SLC19A3: variants seen among roughly 807,000 people sequenced by gnomAD.
SLC19A3 encodes solute carrier family 19 member 3.
Under a neutral mutation model 40.2 loss-of-function variants are expected in SLC19A3, and 31 were observed. The observed-to-expected ratio is 0.77, with a 90% CI of 0.58 to 1.04. The LOEUF is 1.04. Among genes scored for constraint, SLC19A3 ranks in the 50% least tolerant of loss-of-function variants. The pLI is 0.00. For missense variants in SLC19A3, 592 were observed against 596.7 expected (o/e 0.99, Z 0.08); for synonymous variants, 212 against 227.5 (o/e 0.93, Z 0.61).
At chr2:227,704,244 G>A (rs150757639) in intron 1 of SLC19A3, among the ~76,000 whole-genome samples, 108 of 152,256 alleles carry the variant, frequency 7.1e-4, no homozygotes, top group African/African-American at 2.4e-3. Context: ...CATGAGTCAC[G>A]CCTCACCACT....
chr2:227,707,234 G>GTCA (rs1209418729), intron 1 of SLC19A3, among the ~76,000 whole-genome samples: 2 of 152,218 alleles, frequency 1.3e-5, no homozygotes, highest in African/African-American at 4.8e-5. Context: ...ATTGCAAGTG[G>GTCA]TCACTTCAGT....
At chr2:227,697,094 A>G (rs935421732) in intron 3 of SLC19A3, among the ~76,000 whole-genome samples, 8 of 152,158 alleles carry the variant, frequency 5.3e-5, no homozygotes, top group Admixed American at 4.6e-4. Flanking sequence ...AGGTATTTAG[A>G]TTTCAAATTA....
intron 1 of SLC19A3, among the ~76,000 whole-genome samples, chr2:227,710,470 T>G (rs376454728): frequency 3.3e-5 from 5 of 152,052 alleles, no homozygotes; most frequent in Admixed American, 3.3e-4. Context: ...CCGAGACGGG[T>G]GGATCACCTG....
rs1694945828 is a variant in SLC19A3, at chr2:227,684,374, A to T, written c.*3023T>A. ...CGCTCAGGCTGGAGTGCAGTGGCAC[A>T]ATCTCAACTCACTGCAACCTCTGCC... On this transcript the variant is annotated 3_prime_UTR_variant, in exon 6 of 6. Transcript: ENST00000644224. 6.6e-6 allele frequency: 1 copy of T among 151,950 alleles called. No homozygotes were observed. Among genetic ancestry groups the T allele is most frequent in the Non-Finnish European group, 1.5e-5 (1 of 67,998 alleles). 9.4% of individuals were successfully genotyped at this position (151,950 alleles called of 1,614,324 possible). A position where few individuals can be genotyped will look rare whatever the true frequency, so the allele number is the denominator to read the frequency against.
In SLC19A3 at chr2:227,695,611, CAAAAT is replaced by C. The variant is rs140315029; in HGVS notation, c.1172+273_1172+277del. ...CAAGAGAGCCAGGCCATCTCTCAAA[CAAAAT>C]AAAACAAAAAGAAAAACCTGACAAT... On this transcript the variant is annotated intron_variant, in intron 4 of 5. Coordinates refer to ENST00000644224, the MANE Select transcript of SLC19A3 (RefSeq NM_025243.4). 7,717 of 399,586 alleles carry C rather than the reference CAAAAT, an allele frequency of 0.019. 516 individuals are homozygous for C. The highest frequency in any genetic ancestry group is 0.14 in the African/African-American group (7,061 of 48,896). 24.8% of individuals were successfully genotyped at this position (399,586 alleles called of 1,614,324 possible). A position where few individuals can be genotyped will look rare whatever the true frequency, so the allele number is the denominator to read the frequency against.
intron 3 of SLC19A3, 33 bp from the exon 4 acceptor site, chr2:227,696,114 A>C: frequency 6.3e-7 from 1 of 1,599,440 alleles, no homozygotes; most frequent in Non-Finnish European, 8.6e-7. Flanking sequence ...ATCAAACATA[A>C]TGACTTTGCA....
At chr2:227,714,859 G>A (rs1696279137) in intron 1 of SLC19A3, among the ~76,000 whole-genome samples, 1 of 128,756 alleles carries the variant, frequency 7.8e-6, no homozygotes, top group Non-Finnish European at 1.6e-5. Flanking sequence ...CACCCAGGCT[G>A]GAGTCTGGAG....
chr2:227,714,546 T>C (rs1363925529), intron 1 of SLC19A3: 4 of 985,272 alleles, frequency 4.1e-6, no homozygotes, highest in East Asian at 1.1e-4. Flanking sequence ...CCCGCCACTA[T>C]GAAAATCCCT....
chr2:227,695,725 A>G (rs1695401853), intron 4 of SLC19A3, 164 bp downstream of exon 4: 2 of 688,276 alleles, frequency 2.9e-6, no homozygotes, highest in Non-Finnish European at 5.0e-6. Context: ...CAGAGAGCAA[A>G]TAGTTAAATG....
rs761691445 is a variant in SLC19A3 at position 227,696,058 on chromosome 2, C to T, written c.1003G>A (p.Gly335Ser). The change falls in exon 4 of 6, where the codon GGT becomes AGT. Residue 335 changes from glycine (G) to serine (S), a missense_variant. Gly to Ser is a moderately conservative substitution (Grantham distance 56). Transcript: ENST00000644224. ...FGGAVAAFAV[G>S]YVKVNWDLLG... ...AGGTCCCAGTTGACTTTCACATAAC[C>T]CACTGCAAAGGCAGCCACAGCCCCT... The T allele has an allele frequency of 6.2e-7, 1 of 1,606,254 alleles. No individual in the cohort carries two copies. Among genetic ancestry groups the T allele is most frequent in the Non-Finnish European group, 8.5e-7 (1 of 1,178,262 alleles).
chr2:227,689,644 G>T (rs187154038), intron 4 of SLC19A3, among the ~76,000 whole-genome samples: 4 of 152,228 alleles, frequency 2.6e-5, no homozygotes, highest in African/African-American at 9.6e-5. Flanking sequence ...ACGTTCATGC[G>T]CAATAAGAAA....
At chr2:227,688,816 C>T (rs572066549) in intron 4 of SLC19A3, among the ~76,000 whole-genome samples, 4 of 152,162 alleles carry the variant, frequency 2.6e-5, no homozygotes, top group South Asian at 2.1e-4. Context: ...GAAACATATA[C>T]GACCTTTTAG....
At position 227,703,740 on chromosome 2, in the gene SLC19A3, T is replaced by TGGG. The variant is rs1695807987; in HGVS notation, c.-2-1421_-2-1420insCCC. The stretch of plus-strand genomic sequence containing the variant: ...GGTGATCACTGAGGCTTGGTCATCT[T>TGGG]CTGAAGAGTGGTCTTGCTGGGGTAG... On this transcript the variant is annotated intron_variant, in intron 1 of 5. Coordinates refer to ENST00000644224, the MANE Select transcript of SLC19A3 (RefSeq NM_025243.4). The surrounding 1 kb of genome is among the most constrained non-coding windows in gnomAD (Gnocchi z 4.7). 6.6e-6 allele frequency among the ~76,000 whole-genome samples: 1 copy of TGGG among 152,176 alleles called. No individual in the cohort carries two copies. Among genetic ancestry groups the TGGG allele is most frequent in the Non-Finnish European group, 1.5e-5 (1 of 68,040 alleles).
rs1695121022 is a variant in SLC19A3, at chr2:227,688,926, T to C, written c.1173-619A>G. On this transcript the variant is annotated intron_variant, in intron 4 of 5. Coordinates refer to ENST00000644224, the MANE Select transcript of SLC19A3 (RefSeq NM_025243.4). ...CTGTCAGATAAATTTAATAAAGAGA[T>C]TGAAATAATTAAAAAGAATCAAGCA... is the stretch of plus-strand genomic sequence containing the variant. 2.6e-5 allele frequency among the ~76,000 whole-genome samples: 4 copies of C among 151,868 alleles called. No individual in the cohort carries two copies. In the South Asian group the frequency reaches 8.3e-4, roughly 32 times the overall value.
intron 4 of SLC19A3, among the ~76,000 whole-genome samples, chr2:227,691,558 G>C (rs2106321739): frequency 6.6e-6 from 1 of 152,170 alleles, no homozygotes; most frequent in Non-Finnish European, 1.5e-5. Context: ...GCAGTGAGTA[G>C]AGATTATCAC....
At chr2:227,688,729 A>T (rs1695113476) in intron 4 of SLC19A3, among the ~76,000 whole-genome samples, 1 of 152,176 alleles carries the variant, frequency 6.6e-6, no homozygotes, top group Non-Finnish European at 1.5e-5. Flanking sequence ...ACTGATGAAC[A>T]TCCATAAGCA....
intron 4 of SLC19A3, among the ~76,000 whole-genome samples, chr2:227,695,084 T>C (rs1695373956): frequency 6.6e-6 from 1 of 152,050 alleles, no homozygotes. Flanking sequence ...AACTGCTTGG[T>C]TCCATACACG....
At chr2:227,716,362 C>T (rs1027127211) in intron 1 of SLC19A3, among the ~76,000 whole-genome samples, 2 of 152,124 alleles carry the variant, frequency 1.3e-5, no homozygotes, top group African/African-American at 4.8e-5. Context: ...AGTTTCGTCA[C>T]TAATAAGTGC....
rs758025317 is a variant in SLC19A3 at position 227,698,747 on chromosome 2, G to C, written c.968C>G (p.Ala323Gly). The C allele has an allele frequency of 1.2e-5, 20 of 1,613,458 alleles. 4 individuals carry two copies. In the South Asian group the frequency reaches 1.9e-4, roughly 15 times the overall value. ...TGACATTTGCTTACCTCCAAAGGTTGCAATAGCTTCTACGGCCCCATTATA... is the reference window on the plus strand; with the variant it reads ...TGACATTTGCTTACCTCCAAAGGTTCCAATAGCTTCTACGGCCCCATTATA... Reference protein sequence around the residue: ...SIYNGAVEAIATFGGAVAAFA... With the variant: ...SIYNGAVEAIGTFGGAVAAFA... Residue 323 changes from alanine (A) to glycine (G), a missense_variant, in exon 3 of 6, where the codon GCA becomes GGA. Transcript: ENST00000644224.
Sources: allele counts gnomAD v4.1 joint callset (sites outside exome capture counted in the v4.1 genomes callset), GRCh38; gene constraint gnomAD v4.1.1; non-coding constraint Gnocchi (gnomAD v3.1); transcripts MANE v1.5; gene names NCBI Gene and HGNC (gene_info 2026-07-23, HGNC 2026-07-21).